VIT: variants seen among roughly 807,000 people sequenced by gnomAD.
The protein encoded by VIT is vitrin.
A neutral mutation model predicts 78.0 loss-of-function variants in VIT; 99 were observed. The observed-to-expected ratio is 1.27, with a 90% CI of 1.08 to 1.50. The LOEUF (loss-of-function observed/expected upper bound fraction) is 1.50. Among genes scored for constraint, VIT ranks in the 40% most tolerant of loss-of-function variants. The pLI, the probability that VIT is intolerant of heterozygous loss-of-function variation, is 0.00. For synonymous variants in VIT, 374 were observed against 334.3 expected, an observed-to-expected ratio of 1.12 and a Z score of -1.29; for missense variants, 1,126 against 875.3, an observed-to-expected ratio of 1.29 and a Z score of -3.61.
intron 3 of VIT, among the ~76,000 whole-genome samples, chr2:36,734,009 A>G (rs1667357937): frequency 6.6e-6 from 1 of 152,218 alleles, no homozygotes; most frequent in Admixed American, 6.5e-5. Flanking sequence ...GTGAGATTGG[A>G]CTAGGTCAGT....
chr2:36,767,065 G>T (rs758461107), intron 6 of VIT, 29 bp from the exon 7 acceptor site: 25 of 1,535,274 alleles, frequency 1.6e-5, no homozygotes, highest in African/African-American at 2.8e-5. Context: ...TTATTTTGTG[G>T]GCCTTGGTAT....
At chr2:36,746,878 C>T (rs1445726036) in intron 4 of VIT, among the ~76,000 whole-genome samples, 2 of 152,002 alleles carry the variant, frequency 1.3e-5, no homozygotes, top group Non-Finnish European at 2.9e-5. Flanking sequence ...TATATTTCCT[C>T]TAAGGTGTGA....
chr2:36,754,878 A>C, intron 4 of VIT, 43 bp from the exon 5 acceptor site: 2 of 1,593,888 alleles, frequency 1.3e-6, no homozygotes, highest in Non-Finnish European at 8.5e-7. Flanking sequence ...ACGTCAAAAA[A>C]TATTTCTGTT....
chr2:36,739,584 A>G (rs1401200419), intron 3 of VIT, among the ~76,000 whole-genome samples: 1 of 152,146 alleles, frequency 6.6e-6, no homozygotes, highest in Non-Finnish European at 1.5e-5. Context: ...CTACAGTTCG[A>G]TCTGGTTTGC....
chr2:36,786,722 T>C (rs903679497), intron 11 of VIT, among the ~76,000 whole-genome samples: 39 of 152,324 alleles, frequency 2.6e-4, no homozygotes, highest in African/African-American at 8.9e-4. Flanking sequence ...AATCCAACAC[T>C]GGTTTCTAAA....
intron 2 of VIT, among the ~76,000 whole-genome samples, chr2:36,728,313 A>G (rs1666979923): frequency 6.6e-6 from 1 of 152,210 alleles, no homozygotes. Flanking sequence ...CATTTAACCA[A>G]AAGATTTTAA....
intron 12 of VIT, among the ~76,000 whole-genome samples, chr2:36,800,007 C>G (rs551267336): frequency 6.8e-6 from 1 of 146,200 alleles, no homozygotes; most frequent in Non-Finnish European, 1.5e-5. Flanking sequence ...AAGATCGAGC[C>G]AGTGTACTAC....
intron 12 of VIT, among the ~76,000 whole-genome samples, chr2:36,799,095 C>G (rs1310329417): frequency 6.6e-6 from 1 of 152,184 alleles, no homozygotes; most frequent in Non-Finnish European, 1.5e-5. Context: ...TTTAAATTTC[C>G]TGTCTTCCCT....
Position 36,801,308 on chromosome 2 carries a change from C to A in VIT, c.1066C>A (p.Pro356Thr). The A allele has an allele frequency of 6.2e-7, 1 of 1,613,896 alleles. No homozygotes were observed. Among genetic ancestry groups the A allele is most frequent in the East Asian group, 2.2e-5 (1 of 44,870 alleles). ...CTTGTTCTGACTCTTCAGAGACAAC[C>A]CTGCTACTCACTTTAACCTCAAGAC... ...LMGVVQYGDN[P>T]ATHFNLKTHT... is the part of the protein sequence containing the mutation. Residue 356 changes from proline to threonine, a missense_variant, in exon 13 of 16, where the codon CCT (proline) becomes ACT (threonine). Pro to Thr is a conservative substitution (Grantham distance 38). Coordinates refer to ENST00000379242, the MANE Select transcript of VIT (RefSeq NM_053276.4).
chr2:36,810,419 T>C (rs558930797), intron 15 of VIT, among the ~76,000 whole-genome samples: 11 of 152,360 alleles, frequency 7.2e-5, no homozygotes, highest in African/African-American at 2.2e-4. Context: ...CGTTTATGCC[T>C]TTATTGCAGA....
chr2:36,774,622 C>T lies in VIT; in HGVS notation c.737-380C>T, dbSNP rs187293890. On this transcript the variant is annotated intron_variant, in intron 8 of 15. Transcript: ENST00000379242. ...CTTGCTACTGGATAGGAACAGGGGC[C>T]CAATGGGCTCCTCTGGTCAGGGCGA... 4.1e-6 allele frequency: 4 copies of T among 985,386 alleles called. No individual in the cohort carries two copies. The East Asian group carries it at 4.5e-4, about 112-fold the overall frequency. 61.0% of individuals were successfully genotyped at this position (985,386 alleles called of 1,614,324 possible). A position where few individuals can be genotyped will look rare whatever the true frequency, so the allele number is the denominator to read the frequency against.
At chr2:36,780,968 C>A (rs531749907) in intron 9 of VIT, among the ~76,000 whole-genome samples, 1 of 152,244 alleles carries the variant, frequency 6.6e-6, no homozygotes, top group Non-Finnish European at 1.5e-5. Context: ...CAAAAAAGAT[C>A]AGAGATTATT....
At chr2:36,720,179 G>C (rs1005572379) in intron 2 of VIT, among the ~76,000 whole-genome samples, 1 of 151,890 alleles carries the variant, frequency 6.6e-6, no homozygotes, top group Non-Finnish European at 1.5e-5. Context: ...ATTCCAAAAG[G>C]CCAAAGCAAT....
intron 3 of VIT, among the ~76,000 whole-genome samples, chr2:36,741,538 T>A (rs1308126866): frequency 5.3e-5 from 8 of 152,156 alleles, no homozygotes; most frequent in African/African-American, 1.9e-4. Context: ...CCAGCCTGAA[T>A]GAAATGCAAT....
chr2:36,755,955 A>T (rs950363817), intron 5 of VIT, among the ~76,000 whole-genome samples: 107 of 108,584 alleles, frequency 9.9e-4, no homozygotes, highest in Admixed American at 1.9e-3. Context: ...ACAACACAGT[A>T]TTTTTTTTTT....
In VIT at chr2:36,805,530, G is replaced by T; in HGVS notation, c.1255G>T (p.Gly419Cys). The T allele has an allele frequency of 1.2e-6, 2 of 1,614,158 alleles. No individual in the cohort carries two copies. Among genetic ancestry groups the T allele is most frequent in the Middle Eastern group, 3.3e-4 (2 of 6,062 alleles). ...CAATGTGGTGGTGGTGATGGTGGAT[G>T]GCTGGCCCACGGACAAAGTGGAGGA... ...APNVVVVMVDGWPTDKVEEAS... is the reference protein window; with the variant it reads ...APNVVVVMVDCWPTDKVEEAS... The change falls in exon 14 of 16, where the codon GGC (glycine) becomes TGC (cysteine). Residue 419 changes from glycine (G) to cysteine (C), a missense_variant. Coordinates refer to ENST00000379242, the MANE Select transcript of VIT (RefSeq NM_053276.4).
rs528419592 is a variant in VIT, at chr2:36,814,658, G to C, written c.*297G>C. 3.3e-6 allele frequency: 1 copy of C among 303,262 alleles called. No individual in the cohort carries two copies. Among genetic ancestry groups the C allele is most frequent in the East Asian group, 6.2e-5 (1 of 16,114 alleles). The allele number at this position is 303,262 out of a possible 1,614,324, so 18.8% of individuals were successfully genotyped here. On this transcript the variant is annotated 3_prime_UTR_variant, in exon 16 of 16. Transcript: ENST00000379242. ...GTTCGGAATACAGTGCAGCCCTTACGACAGGCTTACGTAGAGCTTTTGTGA... is the reference window on the plus strand; with the variant it reads ...GTTCGGAATACAGTGCAGCCCTTACCACAGGCTTACGTAGAGCTTTTGTGA...
intron 3 of VIT, among the ~76,000 whole-genome samples, chr2:36,738,016 GA>G (rs2148505099): frequency 6.6e-6 from 1 of 152,310 alleles, no homozygotes; most frequent in Non-Finnish European, 1.5e-5. Flanking sequence ...GAAATAACGG[GA>G]AAACAGTACA....
At chr2:36,737,050 C>A (rs1435295082) in intron 3 of VIT, among the ~76,000 whole-genome samples, 1 of 152,024 alleles carries the variant, frequency 6.6e-6, no homozygotes, top group East Asian at 1.9e-4. Flanking sequence ...CAACAAAAGC[C>A]ACTATAAAAT....
Sources: allele counts gnomAD v4.1 joint callset (sites outside exome capture counted in the v4.1 genomes callset), GRCh38; gene constraint gnomAD v4.1.1; transcripts MANE v1.5; gene names NCBI Gene and HGNC (gene_info 2026-07-23, HGNC 2026-07-21).